The following CCDC141 variants were observed in gnomAD, a reference collection of about 807,000 sequenced individuals.
CCDC141 encodes the protein coiled-coil domain containing 141, also known as coiled-coil domain-containing protein 141.
A neutral mutation model predicts 181.0 loss-of-function variants in CCDC141; 168 were observed. The ratio of observed to expected loss-of-function variants is 0.93; its 90% CI spans 0.82 to 1.05. The LOEUF is 1.05. CCDC141 is among the 50% of genes least tolerant of loss of function. The probability of loss-of-function intolerance (pLI) is 0.00; values close to 1 mark genes in which losing one functional copy is unlikely to be tolerated. For synonymous variants in CCDC141, 666 were observed against 642.3 expected, an observed-to-expected ratio of 1.04 and a Z score of -0.56; for missense variants, 1,902 against 1,788.5, an observed-to-expected ratio of 1.06 and a Z score of -1.14.
chr2:178,889,309 C>T (rs1687037706), intron 8 of CCDC141, among the ~76,000 whole-genome samples: 1 of 152,048 alleles, frequency 6.6e-6, no homozygotes, highest in African/African-American at 2.4e-5. Flanking sequence ...AATGAAAATG[C>T]CTCTAAAACA....
intron 7 of CCDC141, among the ~76,000 whole-genome samples, chr2:178,912,642 T>C (rs1312466603): frequency 6.6e-6 from 1 of 152,222 alleles, no homozygotes; most frequent in Non-Finnish European, 1.5e-5. Flanking sequence ...CATCTGTTTC[T>C]TGTGGTGAGG....
intron 2 of CCDC141, among the ~76,000 whole-genome samples, chr2:179,042,257 A>C (rs1198962079): frequency 6.6e-6 from 1 of 152,266 alleles, no homozygotes; most frequent in East Asian, 1.9e-4. Context: ...AGATTAAGAA[A>C]TTCAGTCAAA....
At position 178,975,064 on chromosome 2, in the gene CCDC141, A is replaced by G; in HGVS notation, c.519T>C (p.His173=). ...AATAAACATATTTCTTGCCTTTAGTATGATGTTCATGAAGCTGAAGAAGTG... is the reference window on the plus strand; with the variant it reads ...AATAAACATATTTCTTGCCTTTAGTGTGATGTTCATGAAGCTGAAGAAGTG... ...LKSLLQLHEH[H]TKELLERSLA... Residue 173 remains histidine (H), a synonymous_variant, in exon 4 of 24, where the codon CAT becomes CAC. Transcript: ENST00000443758. 1 of 1,475,204 alleles carries G rather than the reference A, an allele frequency of 6.8e-7. No homozygotes were observed. Among genetic ancestry groups the G allele is most frequent in the Non-Finnish European group, 9.2e-7 (1 of 1,086,428 alleles). 91.4% of individuals were successfully genotyped at this position (1,475,204 alleles called of 1,614,324 possible).
intron 6 of CCDC141, among the ~76,000 whole-genome samples, chr2:178,924,387 C>T (rs1253175180): frequency 1.3e-5 from 2 of 152,154 alleles, no homozygotes; most frequent in African/African-American, 2.4e-5. Flanking sequence ...CTAGAATTAA[C>T]TCATTGACAC....
intron 8 of CCDC141, among the ~76,000 whole-genome samples, chr2:178,891,279 T>G (rs12693172): frequency 2.0e-5 from 3 of 152,122 alleles, no homozygotes; most frequent in Non-Finnish European, 4.4e-5. Flanking sequence ...TTTTCTAATC[T>G]TCATAACAAC....
At chr2:178,826,883 TTTTC>T (rs1401101659), downstream of CCDC141, among the ~76,000 whole-genome samples, 2 of 152,054 alleles carry the variant, frequency 1.3e-5, no homozygotes, top group Non-Finnish European at 2.9e-5. Flanking sequence ...CGTTTTTAAG[TTTTC>T]TTTTATTCTG....
chr2:178,882,030 A>G (rs966016731), intron 11 of CCDC141, among the ~76,000 whole-genome samples: 1 of 151,968 alleles, frequency 6.6e-6, no homozygotes, highest in Admixed American at 6.6e-5. Flanking sequence ...CTGTAAGGAC[A>G]TCACTGTAGA....
At chr2:179,018,845 G>C (rs2042618662) in intron 2 of CCDC141, among the ~76,000 whole-genome samples, 2 of 152,092 alleles carry the variant, frequency 1.3e-5, no homozygotes, top group African/African-American at 4.8e-5. Flanking sequence ...AATACAATAT[G>C]AAGTTAGTGA....
At chr2:179,013,933 C>T (rs2042346127) in intron 2 of CCDC141, among the ~76,000 whole-genome samples, 1 of 120,954 alleles carries the variant, frequency 8.3e-6, no homozygotes, top group African/African-American at 3.2e-5. Flanking sequence ...TGCACTCCAG[C>T]CTGGGCTACA....
chr2:178,961,194 G>A, intron 5 of CCDC141, 36 bp downstream of exon 5: 2 of 1,544,818 alleles, frequency 1.3e-6, no homozygotes, highest in Non-Finnish European at 8.8e-7. Context: ...CTAATCAGCT[G>A]AGGCTGGAAC....
chr2:178,849,948 C>T lies in CCDC141; in HGVS notation c.3357+101G>A, dbSNP rs4894055. On this transcript the variant is annotated intron_variant, in intron 21 of 23. Transcript: ENST00000443758. ...AAAACAAATGTGCACATTATGTACC[C>T]TGAGAAATTCTGTTAAAATGTCTTT... 0.87 allele frequency: 576,145 copies of T among 663,208 alleles called. 250,601 individuals are homozygous for T. The highest frequency in any genetic ancestry group is 0.99 in the East Asian group (37,075 of 37,502). 41.1% of individuals were successfully genotyped at this position (663,208 alleles called of 1,614,324 possible). A position where few individuals can be genotyped will look rare whatever the true frequency, so the allele number is the denominator to read the frequency against.
At chr2:178,956,942 C>A (rs1042460579) in intron 5 of CCDC141, among the ~76,000 whole-genome samples, 2 of 151,808 alleles carry the variant, frequency 1.3e-5, no homozygotes, top group Non-Finnish European at 2.9e-5. Context: ...TGCAATGGCA[C>A]GATCTCGGCT....
rs769598534 is a variant in CCDC141, at chr2:179,016,079, G to A, written c.225+31205C>T. 3.0e-4 allele frequency among the ~76,000 whole-genome samples: 46 copies of A among 151,234 alleles called. 1 individual carries two copies. Among genetic ancestry groups the A allele is most frequent in the Non-Finnish European group, 4.7e-4 (32 of 67,796 alleles). ...ATGAGATTGGAGACTATTATTCTAA[G>A]TGAGGTAACTCAGGAATGGAAAATC... On this transcript the variant is annotated intron_variant, in intron 2 of 23. Coordinates refer to ENST00000443758, the MANE Select transcript of CCDC141 (RefSeq NM_173648.4).
intron 7 of CCDC141, among the ~76,000 whole-genome samples, chr2:178,910,732 T>G (rs989159113): frequency 1.3e-5 from 2 of 152,238 alleles, no homozygotes; most frequent in Non-Finnish European, 2.9e-5. Context: ...CAGCTCCAGC[T>G]TATTCCTTGC....
intron 6 of CCDC141, among the ~76,000 whole-genome samples, chr2:178,929,847 T>C (rs1689033952): frequency 6.6e-6 from 1 of 151,948 alleles, no homozygotes; most frequent in African/African-American, 2.4e-5. Context: ...TTGTTAGTAA[T>C]GTAGATACTA....
At chr2:178,926,388 A>G (rs959988458) in intron 6 of CCDC141, 4 of 152,240 alleles carry the variant, frequency 2.6e-5, no homozygotes, top group Non-Finnish European at 4.4e-5. Flanking sequence ...TCTGAAAATT[A>G]CATTATTGGA....
rs1684252699 is a variant in CCDC141 at position 178,831,614 on chromosome 2, C to T, written c.*2559G>A. ...TAGGTCTTACATTTTTAACCAGTAA[C>T]TGCAATTGATACTTTCATAAGAATA... On this transcript the variant is annotated 3_prime_UTR_variant, in exon 24 of 24. Coordinates refer to ENST00000443758, the MANE Select transcript of CCDC141 (RefSeq NM_173648.4). The T allele has an allele frequency of 6.6e-6, 1 of 152,194 alleles. No homozygotes were observed. Among genetic ancestry groups the T allele is most frequent in the Non-Finnish European group, 1.5e-5 (1 of 68,034 alleles). 9.4% of individuals were successfully genotyped at this position (152,194 alleles called of 1,614,324 possible). A position where few individuals can be genotyped will look rare whatever the true frequency, so the allele number is the denominator to read the frequency against.
chr2:178,855,160 A>T (rs971964943), intron 19 of CCDC141, among the ~76,000 whole-genome samples, 187 bp downstream of exon 19: 7 of 152,216 alleles, frequency 4.6e-5, no homozygotes, highest in African/African-American at 1.7e-4. Context: ...CAAAGACCTT[A>T]TAATATTCAT....
rs559145282 is a variant in CCDC141, at chr2:178,985,723, T to C, written c.226-7048A>G. 4.7e-3 allele frequency among the ~76,000 whole-genome samples: 717 copies of C among 152,002 alleles called. 8 individuals are homozygous for C. The highest frequency in any genetic ancestry group is 0.017 in the African/African-American group (688 of 41,444). On this transcript the variant is annotated intron_variant, in intron 2 of 23. Transcript: ENST00000443758. ...AATAAACTAGAAAATCTAGAAGAAA[T>C]AGATAAATTCCTCGACACATACACT...
Sources: allele counts gnomAD v4.1 joint callset (sites outside exome capture counted in the v4.1 genomes callset), GRCh38; gene constraint gnomAD v4.1.1; transcripts MANE v1.5; gene names NCBI Gene and HGNC (gene_info 2026-07-23, HGNC 2026-07-21).